RPTOR: variants seen among roughly 807,000 people sequenced by gnomAD.
RPTOR encodes the protein regulatory associated protein of MTOR complex 1.
A neutral mutation model predicts 169.9 loss-of-function variants in RPTOR; 21 were observed. The observed-to-expected ratio is 0.12, with a 90% CI of 0.09 to 0.18. RPTOR has a LOEUF of 0.18. Ranked by LOEUF, RPTOR falls within the 10% of genes least tolerant of loss-of-function variation. The pLI, the probability that RPTOR is intolerant of heterozygous loss-of-function variation, is 1.00. For synonymous variants in RPTOR, 732 were observed against 753.2 expected, an observed-to-expected ratio of 0.97 and a Z score of 0.46; for missense variants, 1,133 against 1,855.9, an observed-to-expected ratio of 0.61 and a Z score of 7.16.
intron 1 of RPTOR, among the ~76,000 whole-genome samples, chr17:80,583,307 C>G (rs577004752): frequency 6.6e-6 from 1 of 151,356 alleles, no homozygotes; most frequent in East Asian, 2.0e-4. Flanking sequence ...TCCCCTGCCT[C>G]AGCCTCCTGA....
chr17:80,822,600 T>G (rs760162269), intron 8 of RPTOR, among the ~76,000 whole-genome samples: 5 of 152,270 alleles, frequency 3.3e-5, no homozygotes, highest in Non-Finnish European at 5.9e-5. Context: ...TCGGCATTAT[T>G]CACACTGGCT....
rs1405866997 is a variant in RPTOR at position 80,689,715 on chromosome 17, A to G, written c.349-18126A>G. Among the ~76,000 whole-genome samples, 3 of 152,188 alleles carry G rather than the reference A, an allele frequency of 2.0e-5. No individual in the cohort carries two copies. In the East Asian group the frequency reaches 5.8e-4, roughly 29 times the overall value. ...GGAGAAGATCTTTCTGAGACATATC[A>G]CTATCAGTGTTTTACGCGTATGAAA... On this transcript the variant is annotated intron_variant, in intron 3 of 33. Coordinates refer to ENST00000306801, the MANE Select transcript of RPTOR (RefSeq NM_020761.3).
chr17:80,825,087 C>T (rs968386760), intron 9 of RPTOR, among the ~76,000 whole-genome samples: 39 of 149,434 alleles, frequency 2.6e-4, no homozygotes, highest in African/African-American at 9.2e-4. Flanking sequence ...ATCTAGAGGC[C>T]ACGTGGCGAG....
At chr17:80,603,536 A>G (rs571206772) in intron 1 of RPTOR, among the ~76,000 whole-genome samples, 4 of 152,260 alleles carry the variant, frequency 2.6e-5, no homozygotes, top group Non-Finnish European at 5.9e-5. Flanking sequence ...AGTCCCCAAG[A>G]CCACTTCCTG....
chr17:80,852,802 C>T (rs1243852830), intron 11 of RPTOR, among the ~76,000 whole-genome samples: 2 of 152,072 alleles, frequency 1.3e-5, no homozygotes, highest in African/African-American at 2.4e-5. Context: ...GCTCCTGACT[C>T]GGTGGCTCCT....
At chr17:80,946,532 G>C (rs937532648) in intron 26 of RPTOR, among the ~76,000 whole-genome samples, 1 of 152,232 alleles carries the variant, frequency 6.6e-6, no homozygotes, top group African/African-American at 2.4e-5. Flanking sequence ...CTGTCTCTCT[G>C]AAGTGGCGCA....
chr17:80,882,769 C>T (rs752715083), intron 14 of RPTOR, among the ~76,000 whole-genome samples: 6 of 152,166 alleles, frequency 3.9e-5, no homozygotes, highest in Admixed American at 6.5e-5. Context: ...ATACTCATGG[C>T]GAATTGGAGG....
chr17:80,946,562 G>C (rs1195650079), intron 26 of RPTOR, among the ~76,000 whole-genome samples: 1 of 152,248 alleles, frequency 6.6e-6, no homozygotes, highest in African/African-American at 2.4e-5. Flanking sequence ...CCTCATACCA[G>C]TGGAGTCACC....
intron 21 of RPTOR, among the ~76,000 whole-genome samples, chr17:80,910,250 C>T (rs1042589847): frequency 2.0e-5 from 3 of 152,144 alleles, no homozygotes; most frequent in Non-Finnish European, 4.4e-5. Flanking sequence ...ACCTGCAAGC[C>T]GGACACAGGG....
At chr17:80,622,738 C>G (rs1385770946) in intron 1 of RPTOR, among the ~76,000 whole-genome samples, 3 of 151,986 alleles carry the variant, frequency 2.0e-5, no homozygotes, top group African/African-American at 7.3e-5. Flanking sequence ...TCATCTCTAC[C>G]AAAAATACAA....
At chr17:80,699,202 C>G (rs1249435838) in intron 3 of RPTOR, among the ~76,000 whole-genome samples, 1 of 152,208 alleles carries the variant, frequency 6.6e-6, no homozygotes, top group African/African-American at 2.4e-5. Context: ...TGTGTAAACT[C>G]CAATAGGAAG....
chr17:80,867,662 TAGTA>T (rs2068008300), intron 13 of RPTOR, among the ~76,000 whole-genome samples: 1 of 152,238 alleles, frequency 6.6e-6, no homozygotes, highest in African/African-American at 2.4e-5. Context: ...AGAAAAAATT[TAGTA>T]AGTTTGCAGG....
intron 3 of RPTOR, among the ~76,000 whole-genome samples, chr17:80,677,563 G>C (rs1216965089): frequency 6.6e-6 from 1 of 151,894 alleles, no homozygotes; most frequent in African/African-American, 2.4e-5. Context: ...CCAGACTCCA[G>C]CCTCACCTCC....
chr17:80,896,673 C>T (rs2068410286), intron 20 of RPTOR, among the ~76,000 whole-genome samples: 1 of 152,178 alleles, frequency 6.6e-6, no homozygotes, highest in African/African-American at 2.4e-5. Flanking sequence ...CCGCTCTTAG[C>T]CCTTTGCTCT....
intron 7 of RPTOR, among the ~76,000 whole-genome samples, chr17:80,815,208 G>A (rs1222307830): frequency 6.6e-6 from 1 of 152,250 alleles, no homozygotes; most frequent in African/African-American, 2.4e-5. Flanking sequence ...ACCTGGCAGA[G>A]GCCAGGACAG....
At chr17:80,949,757 T>A (rs1430236593) in intron 28 of RPTOR, among the ~76,000 whole-genome samples, 2 of 152,208 alleles carry the variant, frequency 1.3e-5, no homozygotes, top group Non-Finnish European at 2.9e-5. Context: ...GTCCCAGCCC[T>A]GGGCATGGTC....
intron 10 of RPTOR, among the ~76,000 whole-genome samples, chr17:80,840,083 A>C (rs1266391956): frequency 6.6e-6 from 1 of 152,188 alleles, no homozygotes; most frequent in Admixed American, 6.5e-5. Context: ...AGCTTGGTGA[A>C]TGTTTCAAGC....
chr17:80,955,132 G>A (rs1245702682), intron 28 of RPTOR, among the ~76,000 whole-genome samples: 1 of 149,872 alleles, frequency 6.7e-6, no homozygotes, highest in Non-Finnish European at 1.5e-5. Flanking sequence ...ATTAATCTGT[G>A]GATTTATTAA....
rs534700351 is a variant in RPTOR at position 80,959,176 on chromosome 17, G to A, written c.3478-902G>A. 3.3e-5 allele frequency among the ~76,000 whole-genome samples: 5 copies of A among 152,370 alleles called. No individual in the cohort carries two copies. The highest frequency in any genetic ancestry group is 1.9e-4 in the East Asian group (1 of 5,184). ...GGGCAGCCTCCCCTCTGACGTGACC[G>A]TGGATCCCTCGAGGCACCAGCAGCT... On this transcript the variant is annotated intron_variant, in intron 29 of 33. Coordinates refer to ENST00000306801, the MANE Select transcript of RPTOR (RefSeq NM_020761.3). This position sits in a 1 kb window ranked among gnomAD's most constrained non-coding sequence, Gnocchi z 6.7.
Sources: allele counts gnomAD v4.1 joint callset (sites outside exome capture counted in the v4.1 genomes callset), GRCh38; gene constraint gnomAD v4.1.1; non-coding constraint Gnocchi (gnomAD v3.1); transcripts MANE v1.5; gene names NCBI Gene and HGNC (gene_info 2026-07-23, HGNC 2026-07-21).